Variants in BLK observed in about 807,000 individuals in gnomAD.
BLK encodes the protein BLK proto-oncogene, Src family tyrosine kinase.
BLK carries 64 observed loss-of-function variants against 61.8 expected under a neutral mutation model. The observed-to-expected ratio is 1.03, with a 90% CI of 0.85 to 1.27. The LOEUF is 1.27. BLK is among the 50% of genes most tolerant of loss of function. BLK has a pLI of 0.00. For missense variants in BLK, 853 were observed against 660.5 expected (o/e 1.29, Z -3.19); for synonymous variants, 351 against 272.0 (o/e 1.29, Z -2.86).
intron 2 of BLK, among the ~76,000 whole-genome samples, chr8:11,544,522 T>C (rs1800533847): frequency 6.6e-6 from 1 of 152,164 alleles, no homozygotes; most frequent in Non-Finnish European, 1.5e-5. Flanking sequence ...CCACAAGATG[T>C]TTATTGAATA....
chr8:11,524,063 T>G (rs1334773307), intron 1 of BLK, among the ~76,000 whole-genome samples: 1 of 152,232 alleles, frequency 6.6e-6, no homozygotes. Flanking sequence ...CAACAATGTT[T>G]ACTGTGGGTT....
rs543240724 is a variant in BLK at position 11,545,833 on chromosome 8, C to T, written c.124-219C>T. ...ATATCCACATTGGGGCATCCCCCAG[C>T]GCGGTCAGGGCAAAGGCAGCAGAGG... On this transcript the variant is annotated intron_variant, in intron 2 of 12. Transcript: ENST00000259089. 1.4e-4 allele frequency: 85 copies of T among 609,280 alleles called. 1 individual carries two copies. In the East Asian group the frequency reaches 1.4e-3, roughly 10 times the overall value. 37.7% of individuals were successfully genotyped at this position (609,280 alleles called of 1,614,324 possible). A position where few individuals can be genotyped will look rare whatever the true frequency, so the allele number is the denominator to read the frequency against.
intron 1 of BLK, among the ~76,000 whole-genome samples, chr8:11,501,821 G>T (rs1391275019): frequency 2.6e-5 from 4 of 152,184 alleles, no homozygotes; most frequent in African/African-American, 4.8e-5. Context: ...AAAGAGTTGG[G>T]GCAGGCTGCA....
chr8:11,556,825 T>A lies in BLK; in HGVS notation c.940T>A (p.Tyr314Asn). The A allele has an allele frequency of 1.2e-6, 2 of 1,613,892 alleles. No homozygotes were observed. Among genetic ancestry groups the A allele is most frequent in the African/African-American group, 2.7e-5 (2 of 74,972 alleles). Residue 314 changes from tyrosine (Y) to asparagine (N), a missense_variant, in exon 9 of 13, where the codon TAC becomes AAC. Coordinates refer to ENST00000259089, the MANE Select transcript of BLK (RefSeq NM_001715.3). ...GGAGCCCATCTACATTGTCACCGAGTACATGGCCAGAGGTGGTGCCCCCCG... is the reference window on the plus strand; with the variant it reads ...GGAGCCCATCTACATTGTCACCGAGAACATGGCCAGAGGTGGTGCCCCCCG... Reference protein sequence around the residue: ...TKEPIYIVTEYMARGCLLDFL... With the variant: ...TKEPIYIVTENMARGCLLDFL...
At position 11,505,675 on chromosome 8, in the gene BLK, A is replaced by AACTC. The variant is rs1292228665; in HGVS notation, c.-2+11086_-2+11089dup. Among the ~76,000 whole-genome samples, 3 of 152,174 alleles carry AACTC rather than the reference A, an allele frequency of 2.0e-5. No homozygotes were observed. In the East Asian group the frequency reaches 5.8e-4, roughly 29 times the overall value. On this transcript the variant is annotated intron_variant, in intron 1 of 12. Transcript: ENST00000259089. ...TGTGTGGCTGCCAAGGTCTTTCTAA[A>AACTC]ACTCAAATGTGGCCCTATCACCGCA... is the stretch of plus-strand genomic sequence containing the variant.
In BLK at chr8:11,536,857, C is replaced by T. The variant is rs561422944; in HGVS notation, c.-1-6367C>T. On this transcript the variant is annotated intron_variant, in intron 1 of 12. Coordinates refer to ENST00000259089, the MANE Select transcript of BLK (RefSeq NM_001715.3). Reference sequence around the variant, plus strand: ...TGCTGAGCTCACAAAACACTTTACCCAGGCCTCTCTTTGGTACAGAATCAT... The same window carrying T: ...TGCTGAGCTCACAAAACACTTTACCTAGGCCTCTCTTTGGTACAGAATCAT... 3.9e-5 allele frequency among the ~76,000 whole-genome samples: 6 copies of T among 152,332 alleles called. No homozygotes were observed. The South Asian group carries it at 1.2e-3, about 32-fold the overall frequency.
chr8:11,555,453 CG>C lies in BLK; in HGVS notation c.744del (p.Ser249LeufsTer16). ...RQSLRLVRKL[G>X]SGQFGEVWMG... is the part of the protein sequence containing the mutation. ...AGTCTCTCAGGCTGGTCAGGAAACT[CG>C]GGTCTGGACAATTCGGCGAAGTCTG... On this transcript the variant is annotated frameshift_variant, in exon 8 of 13. Coordinates refer to ENST00000259089, the MANE Select transcript of BLK (RefSeq NM_001715.3). LOFTEE classifies it high-confidence loss of function. 8 of 1,614,156 alleles carry C rather than the reference CG, an allele frequency of 5.0e-6. No individual in the cohort carries two copies. The highest frequency in any genetic ancestry group is 6.8e-6 in the Non-Finnish European group (8 of 1,180,014).
chr8:11,529,388 G>T (rs901238725), intron 1 of BLK, among the ~76,000 whole-genome samples: 2 of 152,134 alleles, frequency 1.3e-5, no homozygotes, highest in Non-Finnish European at 2.9e-5. Flanking sequence ...GGTCAGAGAT[G>T]AAATCACAGG....
intron 1 of BLK, among the ~76,000 whole-genome samples, chr8:11,504,859 C>A (rs903330161): frequency 6.6e-6 from 1 of 152,150 alleles, no homozygotes; most frequent in Admixed American, 6.5e-5. Flanking sequence ...GATTTTACGA[C>A]AAGAAACACC....
chr8:11,503,005 G>T (rs1360790110), intron 1 of BLK, among the ~76,000 whole-genome samples: 2 of 152,192 alleles, frequency 1.3e-5, no homozygotes, highest in Non-Finnish European at 2.9e-5. Context: ...ACAACCATGG[G>T]ATACAAGGAT....
At chr8:11,549,861 A>G in intron 5 of BLK, 1 of 422,206 alleles carries the variant, frequency 2.4e-6, no homozygotes, top group Non-Finnish European at 4.5e-6. Flanking sequence ...TGTGCTTTGG[A>G]GAGAGTGATC....
chr8:11,511,834 T>C (rs1799018894), intron 1 of BLK, among the ~76,000 whole-genome samples: 1 of 152,216 alleles, frequency 6.6e-6, no homozygotes, highest in Admixed American at 6.5e-5. Flanking sequence ...CCATAATCAA[T>C]ATTTAGGATA....
chr8:11,524,257 C>T (rs1799562719), intron 1 of BLK, among the ~76,000 whole-genome samples: 2 of 152,062 alleles, frequency 1.3e-5, no homozygotes, highest in African/African-American at 2.4e-5. Context: ...AACAGTTTGG[C>T]CCATTTTTCA....
intron 3 of BLK, among the ~76,000 whole-genome samples, chr8:11,547,321 C>T (rs892602256): frequency 3.7e-4 from 56 of 152,250 alleles, no homozygotes; most frequent in African/African-American, 1.2e-3. Context: ...AGTGACAGAG[C>T]GGAGCCACCC....
intron 1 of BLK, among the ~76,000 whole-genome samples, chr8:11,515,180 C>G (rs1220014923): frequency 1.3e-5 from 2 of 152,146 alleles, no homozygotes; most frequent in East Asian, 3.9e-4. Flanking sequence ...GGTGTGCTGT[C>G]CCCTGGGCTG....
chr8:11,563,816 C>G (rs933754136), intron 12 of BLK, 87 bp from the exon 13 acceptor site: 23 of 1,318,712 alleles, frequency 1.7e-5, no homozygotes, highest in Non-Finnish European at 2.3e-5. Context: ...CTTGCCTGGG[C>G]CCACTGTGCC....
intron 1 of BLK, among the ~76,000 whole-genome samples, chr8:11,504,045 C>A (rs1798664851): frequency 6.6e-6 from 1 of 152,172 alleles, no homozygotes; most frequent in Non-Finnish European, 1.5e-5. Context: ...CATTCACATC[C>A]AGGCACAGTG....
At chr8:11,507,472 G>A (rs1312967745) in intron 1 of BLK, among the ~76,000 whole-genome samples, 2 of 152,340 alleles carry the variant, frequency 1.3e-5, no homozygotes, top group East Asian at 3.9e-4. Flanking sequence ...TGCAGGGGAA[G>A]ACACCACCCA....
rs1373357557 is a variant in BLK at position 11,519,294 on chromosome 8, G to C, written c.-1-23930G>C. Among the ~76,000 whole-genome samples, 5 of 152,220 alleles carry C rather than the reference G, an allele frequency of 3.3e-5. No individual in the cohort carries two copies. The East Asian group carries it at 5.8e-4, about 18-fold the overall frequency. ...TGTGGGGCTGCTAGGAGCCAACACT[G>C]TCACAGCGTTTCTGGACAGCAATTT... is the stretch of plus-strand genomic sequence containing the variant. On this transcript the variant is annotated intron_variant, in intron 1 of 12. Coordinates refer to ENST00000259089, the MANE Select transcript of BLK (RefSeq NM_001715.3).
Sources: gnomAD v4.1 joint callset for allele counts (sites outside exome capture counted in the v4.1 genomes callset) on GRCh38, gnomAD v4.1.1 for gene constraint, MANE v1.5 for transcripts, NCBI Gene and HGNC (gene_info 2026-07-23, HGNC 2026-07-21) for gene names.